The following ITPR1 variants were observed in gnomAD, a reference collection of about 807,000 sequenced individuals.
ITPR1 encodes the protein inositol 1,4,5-trisphosphate receptor type 1.
Under a neutral mutation model 318.4 loss-of-function variants are expected in ITPR1, and 96 were observed. That is an observed-to-expected ratio of 0.30 (90% CI 0.26 to 0.36). The LOEUF (loss-of-function observed/expected upper bound fraction) is 0.36, where lower values mean the gene tolerates loss of function less well. Among genes scored for constraint, ITPR1 ranks in the 10% least tolerant of loss-of-function variants. The pLI is 1.00. For synonymous variants in ITPR1, 1,312 were observed against 1,289.9 expected (o/e 1.02, Z -0.37); for missense variants, 2,440 against 3,460.2 (o/e 0.71, Z 7.40).
intron 46 of ITPR1, among the ~76,000 whole-genome samples, chr3:4,770,599 G>C (rs2046123885): frequency 2.6e-5 from 4 of 152,186 alleles, no homozygotes; most frequent in Admixed American, 2.6e-4. Context: ...TTTCTTTGGT[G>C]CCTGGCCCAT....
At chr3:4,579,631 G>A (rs6442888) in intron 4 of ITPR1, among the ~76,000 whole-genome samples, 27,540 of 152,128 alleles carry the variant, frequency 0.18, 3,089 homozygotes, top group African/African-American at 0.32. Context: ...CAAAAAGCCT[G>A]TTACGGATCT....
chr3:4,630,570 T>C (rs1418647363), intron 5 of ITPR1, among the ~76,000 whole-genome samples: 1 of 144,814 alleles, frequency 6.9e-6, no homozygotes, highest in African/African-American at 2.6e-5. Context: ...GCATTATTAT[T>C]ATTATTATTA....
chr3:4,616,952 G>A (rs1575738456), intron 4 of ITPR1, among the ~76,000 whole-genome samples: 1 of 151,972 alleles, frequency 6.6e-6, no homozygotes, highest in African/African-American at 2.4e-5. Context: ...AAGCAGTGAA[G>A]AGTCGGTGTG....
chr3:4,805,318 C>T (rs749239258), intron 54 of ITPR1, among the ~76,000 whole-genome samples: 16 of 152,156 alleles, frequency 1.1e-4, no homozygotes, highest in Non-Finnish European at 1.8e-4. Flanking sequence ...TGCTCAGGTT[C>T]AAGGTCAGTG....
intron 54 of ITPR1, 126 bp from the exon 55 acceptor site, chr3:4,805,977 G>A (rs531807974): frequency 3.4e-5 from 26 of 756,930 alleles, no homozygotes; most frequent in South Asian, 1.3e-4. Flanking sequence ...GGTGGGCACC[G>A]GGTGGAAAAG....
intron 4 of ITPR1, among the ~76,000 whole-genome samples, chr3:4,616,349 A>T (rs2092388012): frequency 6.6e-6 from 1 of 152,120 alleles, no homozygotes; most frequent in African/African-American, 2.4e-5. Context: ...TAAAATATGG[A>T]TTATTTTATA....
intron 40 of ITPR1, among the ~76,000 whole-genome samples, chr3:4,724,074 C>T (rs1046292824): frequency 1.3e-5 from 2 of 152,156 alleles, no homozygotes; most frequent in Non-Finnish European, 2.9e-5. Context: ...TCCTTCCCCA[C>T]TCATGTCCTT....
rs1392917240 is a variant in ITPR1 at position 4,515,611 on chromosome 3, C to T, written c.-16-865C>T. Reference sequence around the variant, plus strand: ...GGTTCCCACTCCTCAATATTTATGGCCCTGATGAAAGCTGTTTCTAGGAGT... The same window carrying T: ...GGTTCCCACTCCTCAATATTTATGGTCCTGATGAAAGCTGTTTCTAGGAGT... On this transcript the variant is annotated intron_variant, in intron 2 of 61. Coordinates refer to ENST00000649015, the MANE Select transcript of ITPR1 (RefSeq NM_001378452.1). 3.9e-5 allele frequency among the ~76,000 whole-genome samples: 6 copies of T among 152,094 alleles called. No homozygotes were observed. In the East Asian group the frequency reaches 9.6e-4, roughly 24 times the overall value.
chr3:4,650,645 G>GTGCA (rs1491220486), intron 10 of ITPR1, among the ~76,000 whole-genome samples: 7,425 of 51,792 alleles, frequency 0.14, 329 homozygotes, highest in Middle Eastern at 0.22. Context: ...GTGTGTGTGT[G>GTGCA]CGCGCGTCTG....
At position 4,735,144 on chromosome 3, in the gene ITPR1, A is replaced by G. The variant is rs766226606; in HGVS notation, c.5354-20A>G. On this transcript the variant is annotated intron_variant, in intron 43 of 61. Coordinates refer to ENST00000649015, the MANE Select transcript of ITPR1 (RefSeq NM_001378452.1). The stretch of plus-strand genomic sequence containing the variant: ...GCTGTTCTGATTGTGCTTAGTAAAA[A>G]CAATATTCCATCTTCTTAGGGGGAG... The G allele has an allele frequency of 6.2e-7, 1 of 1,602,394 alleles. No individual in the cohort carries two copies. Among genetic ancestry groups the G allele is most frequent in the South Asian group, 1.1e-5 (1 of 90,504 alleles).
chr3:4,775,216 C>T (rs746447652), intron 46 of ITPR1, 26 bp from the exon 47 acceptor site: 20 of 1,571,884 alleles, frequency 1.3e-5, no homozygotes, highest in South Asian at 5.5e-5. Context: ...CTTTGCTCAC[C>T]GAACCTGGGG....
intron 4 of ITPR1, among the ~76,000 whole-genome samples, chr3:4,602,509 T>C (rs2091367427): frequency 8.1e-6 from 1 of 123,120 alleles, no homozygotes; most frequent in Non-Finnish European, 1.6e-5. Flanking sequence ...GCCTGGGTAA[T>C]GGGAGTGAGA....
intron 4 of ITPR1, among the ~76,000 whole-genome samples, chr3:4,609,018 A>AC (rs1051871496): frequency 7.3e-6 from 1 of 137,100 alleles, no homozygotes; most frequent in Non-Finnish European, 1.6e-5. Context: ...AAAAAAAAAA[A>AC]AAAAAAACAA....
At chr3:4,539,264 C>T (rs1274484434) in intron 4 of ITPR1, among the ~76,000 whole-genome samples, 3 of 152,146 alleles carry the variant, frequency 2.0e-5, no homozygotes, top group African/African-American at 7.2e-5. Flanking sequence ...TGTTTTACAA[C>T]TTAGTTGTGT....
At chr3:4,599,478 G>C (rs368977570) in intron 4 of ITPR1, among the ~76,000 whole-genome samples, 2 of 152,340 alleles carry the variant, frequency 1.3e-5, no homozygotes, top group South Asian at 2.1e-4. Context: ...ATGACAACAA[G>C]TGTCAGAAAC....
Position 4,752,559 on chromosome 3 carries a change from C to T in ITPR1, c.5545-13971C>T, listed in dbSNP as rs566538632. Among the ~76,000 whole-genome samples the T allele has an allele frequency of 5.3e-5, 8 of 152,334 alleles. No homozygotes were observed. The East Asian group carries it at 1.5e-3, about 29-fold the overall frequency. ...AGGACTTTGAGCTTTCACATGCAGG[C>T]TTCTTCTGGCCATAAAGTTATACTT... On this transcript the variant is annotated intron_variant, in intron 44 of 61. Transcript: ENST00000649015.
chr3:4,760,826 G>C (rs576214473), intron 44 of ITPR1, among the ~76,000 whole-genome samples: 2 of 152,170 alleles, frequency 1.3e-5, no homozygotes, highest in Non-Finnish European at 2.9e-5. Context: ...CCACAGCGAA[G>C]GCTCCTTGTA....
At chr3:4,678,611 G>A (rs577548281) in intron 24 of ITPR1, among the ~76,000 whole-genome samples, 2 of 152,294 alleles carry the variant, frequency 1.3e-5, no homozygotes, top group South Asian at 2.1e-4. Flanking sequence ...GCGTGGATGT[G>A]GAAATAAAAC....
At chr3:4,562,629 G>T (rs1260091469) in intron 4 of ITPR1, among the ~76,000 whole-genome samples, 1 of 151,942 alleles carries the variant, frequency 6.6e-6, no homozygotes, top group Non-Finnish European at 1.5e-5. Flanking sequence ...GATTTTCCAG[G>T]ATCTTATAAT....
Sources: allele counts gnomAD v4.1 joint callset (sites outside exome capture counted in the v4.1 genomes callset), GRCh38; gene constraint gnomAD v4.1.1; transcripts MANE v1.5; gene names NCBI Gene and HGNC (gene_info 2026-07-23, HGNC 2026-07-21).